Variants in SLC24A2 observed in about 807,000 individuals in gnomAD.
The protein encoded by SLC24A2 is solute carrier family 24 member 2.
A neutral mutation model predicts 62.0 loss-of-function variants in SLC24A2; 36 were observed. That is an observed-to-expected ratio of 0.58 (90% CI 0.44 to 0.77). The LOEUF (loss-of-function observed/expected upper bound fraction) is 0.77, where lower values mean the gene tolerates loss of function less well. SLC24A2 is among the 30% of genes least tolerant of loss of function. The probability of loss-of-function intolerance (pLI) is 0.00; values close to 1 mark genes in which losing one functional copy is unlikely to be tolerated. For missense variants in SLC24A2, 846 were observed against 817.9 expected, an observed-to-expected ratio of 1.03 and a Z score of -0.42; for synonymous variants, 358 against 294.0, an observed-to-expected ratio of 1.22 and a Z score of -2.23.
At chr9:20,188,445 G>A in the SLC24A2 span, among the ~76,000 whole-genome samples, 1 of 152,196 alleles carries the variant, frequency 6.6e-6, no homozygotes, top group African/African-American at 2.4e-5. Context: ...GCAAATGAGA[G>A]CAAGAGTAGT....
the SLC24A2 span, among the ~76,000 whole-genome samples, chr9:20,089,427 T>C: frequency 3.9e-5 from 6 of 152,022 alleles, no homozygotes; most frequent in African/African-American, 1.2e-4. Context: ...GCCACTGCAA[T>C]TGCAGTGCTA....
chr9:19,560,946 G>C (rs1280393030), intron 7 of SLC24A2, among the ~76,000 whole-genome samples: 2 of 138,340 alleles, frequency 1.4e-5, no homozygotes, highest in South Asian at 2.3e-4. Flanking sequence ...GAGAGAGAGA[G>C]ACAGAGTCTT....
At chr9:19,892,450 C>T in the SLC24A2 span, among the ~76,000 whole-genome samples, 2 of 152,206 alleles carry the variant, frequency 1.3e-5, no homozygotes, top group Non-Finnish European at 1.5e-5. Context: ...TCACAATATT[C>T]TTAGTGCCTA....
At chr9:19,933,996 T>A in the SLC24A2 span, among the ~76,000 whole-genome samples, 1 of 152,198 alleles carries the variant, frequency 6.6e-6, no homozygotes, top group East Asian at 1.9e-4. Context: ...TGACTGCTAA[T>A]GAGCAGAGGG....
chr9:19,657,936 C>T (rs543627277), intron 2 of SLC24A2, among the ~76,000 whole-genome samples: 22 of 152,250 alleles, frequency 1.4e-4, no homozygotes, highest in African/African-American at 5.1e-4. Flanking sequence ...CACTATGTTG[C>T]CCAGGCTGGA....
the SLC24A2 span, among the ~76,000 whole-genome samples, chr9:20,092,936 C>G: frequency 6.6e-6 from 1 of 152,104 alleles, no homozygotes; most frequent in Admixed American, 6.5e-5. Context: ...TGATATATGG[C>G]AAATAGTTTC....
At chr9:20,002,567 A>T in the SLC24A2 span, among the ~76,000 whole-genome samples, 1 of 152,258 alleles carries the variant, frequency 6.6e-6, no homozygotes, top group South Asian at 2.1e-4. Context: ...ACATACTTCA[A>T]TGTCCCACTG....
At chr9:20,264,044 C>A in the SLC24A2 span, among the ~76,000 whole-genome samples, 1 of 152,176 alleles carries the variant, frequency 6.6e-6, no homozygotes, top group African/African-American at 2.4e-5. Flanking sequence ...CCCAATGCTT[C>A]TTCCTCCTGC....
intron 2 of SLC24A2, among the ~76,000 whole-genome samples, chr9:19,689,125 T>A (rs1819969525): frequency 6.6e-6 from 1 of 152,160 alleles, no homozygotes; most frequent in South Asian, 2.1e-4. Context: ...ACAAATATCA[T>A]CATTGCCATT....
At chr9:19,547,339 A>AGG in intron 8 of SLC24A2, among the ~76,000 whole-genome samples, 1 of 152,154 alleles carries the variant, frequency 6.6e-6, no homozygotes, top group East Asian at 1.9e-4. Flanking sequence ...TGGCTCTCAG[A>AGG]GGGGGACTGC....
chr9:20,022,996 G>A, the SLC24A2 span, among the ~76,000 whole-genome samples: 1 of 152,106 alleles, frequency 6.6e-6, no homozygotes, highest in Admixed American at 6.5e-5. Context: ...ACATAATATG[G>A]AAAAGGAATT....
At chr9:20,102,868 C>T in the SLC24A2 span, among the ~76,000 whole-genome samples, 7 of 151,670 alleles carry the variant, frequency 4.6e-5, no homozygotes, top group Admixed American at 6.6e-5. Context: ...TGCAGTGCAC[C>T]GTGCGCCAGC....
chr9:19,760,553 T>G (rs1478190532), intron 2 of SLC24A2, among the ~76,000 whole-genome samples: 2 of 151,784 alleles, frequency 1.3e-5, no homozygotes, highest in Non-Finnish European at 2.9e-5. Context: ...TGTGTGATGT[T>G]CCCCTCCCTA....
chr9:20,186,510 T>G, the SLC24A2 span, among the ~76,000 whole-genome samples: 3 of 152,154 alleles, frequency 2.0e-5, no homozygotes, highest in Non-Finnish European at 4.4e-5. Context: ...CTCCAACACA[T>G]TGAACTCATC....
At chr9:20,002,013 C>A in the SLC24A2 span, among the ~76,000 whole-genome samples, 1 of 152,018 alleles carries the variant, frequency 6.6e-6, no homozygotes, top group East Asian at 1.9e-4. Flanking sequence ...TGATAGAATT[C>A]TTTTGATTTT....
the SLC24A2 span, among the ~76,000 whole-genome samples, chr9:19,833,015 A>G: frequency 8.1e-3 from 1,229 of 152,260 alleles, 20 homozygotes; most frequent in African/African-American, 0.028. Flanking sequence ...GGCCATCAGA[A>G]AAATGCAAAT....
At chr9:19,595,722 G>A (rs145973931) in intron 5 of SLC24A2, among the ~76,000 whole-genome samples, 76 of 152,290 alleles carry the variant, frequency 5.0e-4, no homozygotes, top group Middle Eastern at 3.4e-3. Flanking sequence ...GAAAGGAGAA[G>A]GGGATGGCAG....
chr9:20,072,524 A>G, the SLC24A2 span, among the ~76,000 whole-genome samples: 1 of 152,192 alleles, frequency 6.6e-6, no homozygotes, highest in African/African-American at 2.4e-5. Context: ...AGCGATCTAT[A>G]TAATATATTG....
At chr9:20,035,647 G>A in the SLC24A2 span, among the ~76,000 whole-genome samples, 3 of 152,180 alleles carry the variant, frequency 2.0e-5, no homozygotes, top group Admixed American at 6.5e-5. Context: ...CCAGCTATTC[G>A]GGAGGCTGAG....
Sources: allele counts gnomAD v4.1 joint callset (sites outside exome capture counted in the v4.1 genomes callset), GRCh38; gene constraint gnomAD v4.1.1; transcripts MANE v1.5; gene names NCBI Gene and HGNC (gene_info 2026-07-23, HGNC 2026-07-21).